The following SYNJ2 variants were observed in gnomAD, a reference collection of about 807,000 sequenced individuals.
The protein encoded by SYNJ2 is synaptojanin 2, also known as polyphosphatidylinositol phosphatase SYNJ2.
A neutral mutation model predicts 141.3 loss-of-function variants in SYNJ2; 116 were observed. The observed-to-expected ratio is 0.82, with a 90% CI of 0.71 to 0.96. The LOEUF is 0.96. Ranked by LOEUF, SYNJ2 falls within the 40% of genes least tolerant of loss-of-function variation. The probability of loss-of-function intolerance (pLI) is 0.00; values close to 1 mark genes in which losing one functional copy is unlikely to be tolerated. For synonymous variants in SYNJ2, 745 were observed against 777.7 expected (o/e 0.96, Z 0.70); for missense variants, 1,873 against 1,934.8 (o/e 0.97, Z 0.60).
In SYNJ2 at chr6:158,016,978, G is replaced by A. The variant is rs1338316332; in HGVS notation, c.128-226G>A. The A allele has an allele frequency of 4.9e-6, 6 of 1,232,622 alleles. No homozygotes were observed. The African/African-American group carries it at 6.2e-5, about 13-fold the overall frequency. 76.4% of individuals were successfully genotyped at this position (1,232,622 alleles called of 1,614,324 possible). The stretch of plus-strand genomic sequence containing the variant: ...CAGCTCCTCCAGCCCCCAGGAAGCT[G>A]TCAGCACTTCCAGAGAGCAAGCTGT... On this transcript the variant is annotated intron_variant, in intron 1 of 26. Transcript: ENST00000355585.
intron 4 of SYNJ2, among the ~76,000 whole-genome samples, chr6:158,038,487 C>T (rs1779758437): frequency 1.3e-5 from 2 of 152,124 alleles, no homozygotes; most frequent in South Asian, 4.1e-4. Flanking sequence ...CCCACGGTAG[C>T]TCTTGGTTGG....
In SYNJ2 at chr6:158,070,388, G is replaced by C. The variant is rs1468772046; in HGVS notation, c.1940+715G>C. 1 of 985,514 alleles carries C rather than the reference G, an allele frequency of 1.0e-6. No individual in the cohort carries two copies. Among genetic ancestry groups the C allele is most frequent in the East Asian group, 1.1e-4 (1 of 8,816 alleles). 61.0% of individuals were successfully genotyped at this position (985,514 alleles called of 1,614,324 possible). ...CACGGGTACACCCCTGCAGCACCTG[G>C]AGACTAAGACTATGCTGCCCATAAT... is the stretch of plus-strand genomic sequence containing the variant. On this transcript the variant is annotated intron_variant, in intron 14 of 26. Coordinates refer to ENST00000355585, the MANE Select transcript of SYNJ2 (RefSeq NM_003898.4). The surrounding 1 kb of genome is among the most constrained non-coding windows in gnomAD (Gnocchi z 4.0).
chr6:157,999,588 G>T (rs1777760223), intron 1 of SYNJ2, among the ~76,000 whole-genome samples: 1 of 152,236 alleles, frequency 6.6e-6, no homozygotes, highest in Non-Finnish European at 1.5e-5. Flanking sequence ...GAACATCCAG[G>T]TGGGGCTCAG....
intron 23 of SYNJ2, among the ~76,000 whole-genome samples, chr6:158,088,183 G>C: frequency 6.6e-6 from 1 of 150,502 alleles, no homozygotes. Context: ...ACCTCAGCCT[G>C]CCAAGTAGCT....
At chr6:158,010,810 TGGG>T (rs112140161) in intron 1 of SYNJ2, among the ~76,000 whole-genome samples, 2 of 144,406 alleles carry the variant, frequency 1.4e-5, no homozygotes, top group Admixed American at 6.9e-5. Flanking sequence ...CACGTGATGA[TGGG>T]GGGGACATGT....
At chr6:158,026,946 AG>A (rs1779080249) in intron 2 of SYNJ2, 1 of 985,374 alleles carries the variant, frequency 1.0e-6, no homozygotes, top group African/African-American at 1.7e-5. Flanking sequence ...CCCTGTCCCC[AG>A]TGTGATAACT....
chr6:158,076,213 A>C (rs1002572557), intron 16 of SYNJ2, among the ~76,000 whole-genome samples: 1 of 151,888 alleles, frequency 6.6e-6, no homozygotes, highest in African/African-American at 2.4e-5. Context: ...GCTGACTTTC[A>C]CTCTGCGCTT....
At chr6:158,087,845 C>CCAGTTT (rs969743078) in intron 23 of SYNJ2, among the ~76,000 whole-genome samples, 5 of 147,306 alleles carry the variant, frequency 3.4e-5, no homozygotes, top group Non-Finnish European at 7.5e-5. Flanking sequence ...TCTTCTTTTT[C>CCAGTTT]CAGTTTCATG....
At chr6:157,988,434 A>G (rs900027744) in intron 1 of SYNJ2, among the ~76,000 whole-genome samples, 28 of 152,156 alleles carry the variant, frequency 1.8e-4, no homozygotes, top group African/African-American at 6.0e-4. Context: ...GCTTGATTTA[A>G]AACTGAACAG....
chr6:158,069,875 G>A (rs951579607), intron 14 of SYNJ2, among the ~76,000 whole-genome samples: 1 of 152,176 alleles, frequency 6.6e-6, no homozygotes, highest in Non-Finnish European at 1.5e-5. Flanking sequence ...GCCACCATGG[G>A]AAATGTCTAA....
Position 158,083,458 on chromosome 6 carries a change from G to C in SYNJ2, c.2895G>C (p.Pro965=), listed in dbSNP as rs774509806. 1.2e-6 allele frequency: 2 copies of C among 1,614,042 alleles called. No individual in the cohort carries two copies. The highest frequency in any genetic ancestry group is 1.7e-6 in the Non-Finnish European group (2 of 1,180,044). ...AAGGCAGAGCAGTGAAGATTAGACC[G>C]AAGACCAAGGACTGGCTGAAAGGTT... ...KVKGRAVKIR[P]KTKDWLKGLR... The change falls in exon 21 of 27, where the codon CCG becomes CCC. Residue 965 remains proline (P), a synonymous_variant. Coordinates refer to ENST00000355585, the MANE Select transcript of SYNJ2 (RefSeq NM_003898.4).
In SYNJ2 at chr6:158,043,241, G is replaced by T; in HGVS notation, c.712-75G>T. Reference sequence around the variant, plus strand: ...GGCTGGTGTCGGGTCACAGGTGGCCGGATCCCGTTACCCAGCCCAGGACGT... The same window carrying T: ...GGCTGGTGTCGGGTCACAGGTGGCCTGATCCCGTTACCCAGCCCAGGACGT... On this transcript the variant is annotated intron_variant, in intron 4 of 26. Coordinates refer to ENST00000355585, the MANE Select transcript of SYNJ2 (RefSeq NM_003898.4). The surrounding 1 kb of genome is among the most constrained non-coding windows in gnomAD (Gnocchi z 4.0). The T allele has an allele frequency of 1.5e-6, 2 of 1,350,378 alleles. No individual in the cohort carries two copies. Among genetic ancestry groups the T allele is most frequent in the Non-Finnish European group, 2.1e-6 (2 of 951,452 alleles). 83.6% of individuals were successfully genotyped at this position (1,350,378 alleles called of 1,614,324 possible).
chr6:158,034,821 A>G (rs573731098), intron 4 of SYNJ2, among the ~76,000 whole-genome samples: 4 of 152,320 alleles, frequency 2.6e-5, no homozygotes, highest in East Asian at 3.9e-4. Context: ...TGCGTTTTAC[A>G]TTCAAGTCTT....
At chr6:158,090,585 G>T (rs1744166) in intron 25 of SYNJ2, among the ~76,000 whole-genome samples, 46,146 of 140,356 alleles carry the variant, frequency 0.33, 8,675 homozygotes, top group Admixed American at 0.54. Context: ...CACTCTGTCA[G>T]CTGGACTGGA....
At chr6:157,986,618 A>G (rs1309737338) in intron 1 of SYNJ2, among the ~76,000 whole-genome samples, 1 of 151,812 alleles carries the variant, frequency 6.6e-6, no homozygotes, top group Non-Finnish European at 1.5e-5. Context: ...ACAGGCAATG[A>G]GCCACCACGC....
chr6:158,049,581 C>A (rs759162915), intron 5 of SYNJ2, among the ~76,000 whole-genome samples: 3 of 152,178 alleles, frequency 2.0e-5, no homozygotes, highest in Admixed American at 6.5e-5. Context: ...CAGGGAGAGG[C>A]GGTTAGACAA....
chr6:158,089,656 T>C (rs992853023), intron 24 of SYNJ2, among the ~76,000 whole-genome samples, 183 bp from the exon 25 acceptor site: 6 of 152,176 alleles, frequency 3.9e-5, no homozygotes, highest in African/African-American at 1.2e-4. Context: ...CTAAGTAGTA[T>C]GGCACTCTTG....
At chr6:158,075,106 A>G (rs1782193608) in intron 16 of SYNJ2, among the ~76,000 whole-genome samples, 1 of 151,554 alleles carries the variant, frequency 6.6e-6, no homozygotes. Flanking sequence ...TAATTTTTGT[A>G]TTTTTAGTAG....
intron 6 of SYNJ2, among the ~76,000 whole-genome samples, chr6:158,057,619 G>T (rs1780948472): frequency 6.6e-6 from 1 of 152,264 alleles, no homozygotes; most frequent in Non-Finnish European, 1.5e-5. Context: ...GGAATAGTGA[G>T]TAATAATGAG....
Sources: allele counts gnomAD v4.1 joint callset (sites outside exome capture counted in the v4.1 genomes callset), GRCh38; gene constraint gnomAD v4.1.1; non-coding constraint Gnocchi (gnomAD v3.1); transcripts MANE v1.5; gene names NCBI Gene and HGNC (gene_info 2026-07-23, HGNC 2026-07-21).